Variants in MC2R observed in about 807,000 individuals in gnomAD.
The protein encoded by MC2R is adrenocorticotropic hormone receptor.
MC2R carries 9 observed loss-of-function variants against 9.8 expected under a neutral mutation model. That is an observed-to-expected ratio of 0.92 (90% CI 0.55 to 1.60). The LOEUF is 1.60. MC2R is among the 40% of genes most tolerant of loss of function. MC2R has a pLI of 0.00. For missense variants in MC2R, 370 were observed against 389.0 expected, an observed-to-expected ratio of 0.95 and a Z score of 0.41; for synonymous variants, 185 against 154.7, an observed-to-expected ratio of 1.20 and a Z score of -1.45.
At chr18:13,898,900 G>A (rs2045362873) in intron 1 of MC2R, among the ~76,000 whole-genome samples, 1 of 152,128 alleles carries the variant, frequency 6.6e-6, no homozygotes, top group Non-Finnish European at 1.5e-5. Flanking sequence ...CCCAAGGACT[G>A]GTACAAACAA....
chr18:13,914,486 G>C (rs1339814139), intron 1 of MC2R, among the ~76,000 whole-genome samples: 2 of 152,206 alleles, frequency 1.3e-5, no homozygotes, highest in Admixed American at 6.5e-5. Flanking sequence ...CTCCCACTCC[G>C]GGGATGGGGT....
intron 1 of MC2R, among the ~76,000 whole-genome samples, chr18:13,911,729 A>G (rs2045445838): frequency 6.6e-6 from 1 of 152,128 alleles, no homozygotes; most frequent in Non-Finnish European, 1.5e-5. Flanking sequence ...AACTGGGAAA[A>G]AGGAGATTGG....
At chr18:13,895,949 G>C (rs575101707) in intron 1 of MC2R, among the ~76,000 whole-genome samples, 3 of 152,286 alleles carry the variant, frequency 2.0e-5, no homozygotes, top group Admixed American at 6.5e-5. Flanking sequence ...AGAAGATTCA[G>C]GGGGACAGAG....
At chr18:13,908,339 A>T (rs1285532387) in intron 1 of MC2R, among the ~76,000 whole-genome samples, 1 of 152,186 alleles carries the variant, frequency 6.6e-6, no homozygotes, top group Non-Finnish European at 1.5e-5. Context: ...TCATGAAGAC[A>T]GATAGTGGTG....
chr18:13,895,619 A>C (rs983259663), intron 1 of MC2R, among the ~76,000 whole-genome samples: 2 of 152,174 alleles, frequency 1.3e-5, no homozygotes, highest in East Asian at 3.9e-4. Context: ...AAAAAGAAAA[A>C]AAAGCTCAAC....
At chr18:13,909,266 C>T (rs2045431255) in intron 1 of MC2R, among the ~76,000 whole-genome samples, 1 of 152,166 alleles carries the variant, frequency 6.6e-6, no homozygotes, top group South Asian at 2.1e-4. Flanking sequence ...GGGAGGAAGA[C>T]CACAAGATGT....
chr18:13,905,516 C>T (rs1057418326), intron 1 of MC2R, among the ~76,000 whole-genome samples: 1 of 151,366 alleles, frequency 6.6e-6, no homozygotes, highest in Non-Finnish European at 1.5e-5. Flanking sequence ...CACTGATCAT[C>T]AGAGAAATGC....
At chr18:13,891,669 A>G (rs2045316476) in intron 1 of MC2R, among the ~76,000 whole-genome samples, 2 of 152,144 alleles carry the variant, frequency 1.3e-5, no homozygotes, top group African/African-American at 2.4e-5. Context: ...CTTGCTGTGG[A>G]GTCTGTGAGC....
intron 1 of MC2R, among the ~76,000 whole-genome samples, chr18:13,899,795 C>T (rs1032370604): frequency 2.0e-5 from 3 of 152,134 alleles, no homozygotes; most frequent in Non-Finnish European, 4.4e-5. Context: ...TAACAACCTT[C>T]CCAGACAAAC....
At chr18:13,896,332 C>T (rs2045346105) in intron 1 of MC2R, among the ~76,000 whole-genome samples, 1 of 152,068 alleles carries the variant, frequency 6.6e-6, no homozygotes. Flanking sequence ...CCTCCCTGAC[C>T]CTGGCACAAA....
At chr18:13,895,984 C>CT (rs36020639) in intron 1 of MC2R, among the ~76,000 whole-genome samples, 3 of 152,144 alleles carry the variant, frequency 2.0e-5, no homozygotes, top group Non-Finnish European at 2.9e-5. Flanking sequence ...GATACTGGCT[C>CT]TTTTTTTCTC....
intron 1 of MC2R, among the ~76,000 whole-genome samples, chr18:13,886,538 A>AT (rs2045277287): frequency 6.6e-6 from 1 of 152,196 alleles, no homozygotes; most frequent in African/African-American, 2.4e-5. Context: ...TGTTTAGTCC[A>AT]TTCCTTCTCA....
At chr18:13,900,710 A>T (rs1447951518) in intron 1 of MC2R, among the ~76,000 whole-genome samples, 1 of 152,128 alleles carries the variant, frequency 6.6e-6, no homozygotes, top group Non-Finnish European at 1.5e-5. Flanking sequence ...AACAATTTTA[A>T]ATATATGCAC....
At chr18:13,908,242 G>A (rs186666609) in intron 1 of MC2R, among the ~76,000 whole-genome samples, 95 of 152,264 alleles carry the variant, frequency 6.2e-4, no homozygotes, top group Middle Eastern at 6.8e-3. Context: ...TGGAACTGGA[G>A]GCCATTATGT....
In MC2R at chr18:13,884,578, CT is replaced by C. The variant is rs748256622; in HGVS notation, c.*46del. On this transcript the variant is annotated 3_prime_UTR_variant, in exon 2 of 2. Transcript: ENST00000327606. ...GTTGGAATGTTACACTATTCTGGCACTTGGCAACGTTATTCCCATGGATTCT... is the reference window on the plus strand; with the variant it reads ...GTTGGAATGTTACACTATTCTGGCACTGGCAACGTTATTCCCATGGATTCT... 3.8e-6 allele frequency: 6 copies of C among 1,598,706 alleles called. No homozygotes were observed. The highest frequency in any genetic ancestry group is 5.1e-6 in the Non-Finnish European group (6 of 1,173,386).
chr18:13,894,613 A>G (rs1390754132), intron 1 of MC2R, among the ~76,000 whole-genome samples: 1 of 152,252 alleles, frequency 6.6e-6, no homozygotes, highest in African/African-American at 2.4e-5. Context: ...TGCCTAAAGT[A>G]TAAAATTCTA....
chr18:13,890,554 G>A (rs1401455940), intron 1 of MC2R, among the ~76,000 whole-genome samples: 2 of 152,152 alleles, frequency 1.3e-5, no homozygotes, highest in African/African-American at 4.8e-5. Flanking sequence ...GTCGGGGTGA[G>A]GTTCTGGGAC....
intron 1 of MC2R, among the ~76,000 whole-genome samples, chr18:13,907,772 T>G (rs143766420): frequency 3.3e-5 from 5 of 152,282 alleles, no homozygotes; most frequent in African/African-American, 1.2e-4. Flanking sequence ...AACAGGTATA[T>G]GAAAAATTTC....
intron 1 of MC2R, among the ~76,000 whole-genome samples, chr18:13,904,242 G>C (rs535224418): frequency 1.7e-4 from 25 of 150,928 alleles, no homozygotes; most frequent in African/African-American, 2.7e-4. Flanking sequence ...TTAGGCAGGC[G>C]AGGTGGTGGG....
Sources: allele counts gnomAD v4.1 joint callset (sites outside exome capture counted in the v4.1 genomes callset), GRCh38; gene constraint gnomAD v4.1.1; transcripts MANE v1.5; gene names NCBI Gene and HGNC (gene_info 2026-07-23, HGNC 2026-07-21).